SKIC3: variants seen among roughly 807,000 people sequenced by gnomAD.
SKIC3 encodes the protein SKI3 subunit of superkiller complex.
chr5:95,545,912 G>A, the SKIC3 span, among the ~76,000 whole-genome samples: 2 of 152,186 alleles, frequency 1.3e-5, no homozygotes, highest in South Asian at 4.2e-4. Context: ...TCCAAAATCT[G>A]AATTTCCAGC....
chr5:95,467,941 G>A, the SKIC3 span: 2 of 1,613,340 alleles, frequency 1.2e-6, no homozygotes, highest in Non-Finnish European at 1.7e-6. Flanking sequence ...CAATAGATTT[G>A]GGATACCCAG....
At chr5:95,531,076 A>G in the SKIC3 span, among the ~76,000 whole-genome samples, 1 of 152,166 alleles carries the variant, frequency 6.6e-6, no homozygotes, top group African/African-American at 2.4e-5. Context: ...TGAAAAAAAA[A>G]GACCCGATGC....
At chr5:95,469,270 T>C in the SKIC3 span, among the ~76,000 whole-genome samples, 1 of 152,234 alleles carries the variant, frequency 6.6e-6, no homozygotes, top group Admixed American at 6.5e-5. Flanking sequence ...TAAACATTGC[T>C]ATAGAATTTT....
At chr5:95,512,682 G>A in the SKIC3 span, 7 of 1,585,778 alleles carry the variant, frequency 4.4e-6, no homozygotes, top group South Asian at 6.7e-5. Flanking sequence ...ATTATAATAA[G>A]AAGTAAAACA....
At chr5:95,510,376 C>G in the SKIC3 span, among the ~76,000 whole-genome samples, 205 of 152,296 alleles carry the variant, frequency 1.3e-3, no homozygotes, top group African/African-American at 4.8e-3. Context: ...CAAAACAAAC[C>G]CCCTTCTTGC....
the SKIC3 span, among the ~76,000 whole-genome samples, chr5:95,492,652 G>GAAAAAAAAAAAAAAAAAAAAAAAAAAAAA: frequency 1.0e-4 from 5 of 48,842 alleles, no homozygotes; most frequent in East Asian, 1.5e-3. Flanking sequence ...AAAAAAAAAA[G>GAAAAAAAAAAAAAAAAAAAAAAAAAAAAA]AAAAAAAAAA....
At chr5:95,537,557 C>T in the SKIC3 span, among the ~76,000 whole-genome samples, 1 of 152,122 alleles carries the variant, frequency 6.6e-6, no homozygotes, top group East Asian at 1.9e-4. Context: ...CTTTAAAAAG[C>T]AGTTATAAAG....
chr5:95,474,512 T>C, the SKIC3 span, among the ~76,000 whole-genome samples: 25 of 152,244 alleles, frequency 1.6e-4, 1 homozygote, highest in African/African-American at 5.8e-4. Context: ...GGGATTCCTC[T>C]GTATGTAATT....
chr5:95,533,707 T>A, the SKIC3 span, among the ~76,000 whole-genome samples: 3 of 152,210 alleles, frequency 2.0e-5, no homozygotes, highest in East Asian at 5.8e-4. Context: ...TACTCAAAAA[T>A]GATTTTTTTC....
At chr5:95,524,978 G>A in the SKIC3 span, among the ~76,000 whole-genome samples, 1 of 152,092 alleles carries the variant, frequency 6.6e-6, no homozygotes, top group Non-Finnish European at 1.5e-5. Flanking sequence ...CCACCCCCCA[G>A]GTTCAAGCAA....
the SKIC3 span, among the ~76,000 whole-genome samples, chr5:95,497,736 G>T: frequency 6.6e-6 from 1 of 152,100 alleles, no homozygotes; most frequent in South Asian, 2.1e-4. Flanking sequence ...AGATAATTAA[G>T]AAAAGTTAAG....
chr5:95,528,802 A>G, the SKIC3 span: 1 of 580,736 alleles, frequency 1.7e-6, no homozygotes, highest in Non-Finnish European at 3.1e-6. Context: ...TTTGCTAAAC[A>G]TTCATTGTCA....
the SKIC3 span, among the ~76,000 whole-genome samples, chr5:95,483,890 C>CA: frequency 1.3e-5 from 2 of 152,134 alleles, no homozygotes; most frequent in Admixed American, 1.3e-4. Context: ...TCCAGTCACC[C>CA]ACTCAACAAT....
At chr5:95,523,913 C>T in the SKIC3 span, 1 of 1,361,718 alleles carries the variant, frequency 7.3e-7, no homozygotes, top group Admixed American at 2.0e-5. Flanking sequence ...AAGATAAATA[C>T]ACAGATTAAA....
chr5:95,480,953 G>T, the SKIC3 span, among the ~76,000 whole-genome samples: 1 of 152,018 alleles, frequency 6.6e-6, no homozygotes, highest in Non-Finnish European at 1.5e-5. Context: ...GTTTTGGGGT[G>T]GGGGGAGTCA....
At chr5:95,519,913 T>G in the SKIC3 span, among the ~76,000 whole-genome samples, 1 of 151,994 alleles carries the variant, frequency 6.6e-6, no homozygotes, top group African/African-American at 2.4e-5. Flanking sequence ...AAGAACTACA[T>G]TATGTGAGAC....
the SKIC3 span, among the ~76,000 whole-genome samples, chr5:95,518,880 C>T: frequency 1.3e-5 from 2 of 151,880 alleles, no homozygotes; most frequent in Non-Finnish European, 2.9e-5. Context: ...TTTGAGAAAA[C>T]TCCATACTGT....
At chr5:95,488,895 A>G in the SKIC3 span, among the ~76,000 whole-genome samples, 2 of 152,222 alleles carry the variant, frequency 1.3e-5, no homozygotes, top group African/African-American at 2.4e-5. Flanking sequence ...GAAATAAGGC[A>G]ACACACATCA....
At chr5:95,528,925 C>T in the SKIC3 span, 8 of 1,249,632 alleles carry the variant, frequency 6.4e-6, no homozygotes, top group Non-Finnish European at 6.9e-6. Flanking sequence ...TTAAAAATCA[C>T]TATCTTTGTC....
Sources: gnomAD v4.1 joint callset for allele counts (sites outside exome capture counted in the v4.1 genomes callset) on GRCh38, gnomAD v4.1.1 for gene constraint, MANE v1.5 for transcripts, NCBI Gene and HGNC (gene_info 2026-07-23, HGNC 2026-07-21) for gene names.